KAZN: variants seen among roughly 807,000 people sequenced by gnomAD.
KAZN encodes the protein kazrin.
Under a neutral mutation model 87.4 loss-of-function variants are expected in KAZN, and 40 were observed. That is an observed-to-expected ratio of 0.46 (90% CI 0.36 to 0.60). The LOEUF (loss-of-function observed/expected upper bound fraction) is 0.60, where lower values mean the gene tolerates loss of function less well. Ranked by LOEUF, KAZN falls within the 20% of genes least tolerant of loss-of-function variation. The pLI is 0.00. For missense variants in KAZN, 898 were observed against 1,073.9 expected (o/e 0.84, Z 2.29); for synonymous variants, 466 against 458.3 (o/e 1.02, Z -0.22).
intron 1 of KAZN, among the ~76,000 whole-genome samples, chr1:14,759,041 C>A (rs80099281): frequency 6.6e-6 from 1 of 152,116 alleles, no homozygotes; most frequent in Non-Finnish European, 1.5e-5. Flanking sequence ...ACCTAGGCTA[C>A]CCTGGACAAT....
At chr1:14,222,230 G>A (rs1407469006) in intron 2 of KAZN, 1 of 152,172 alleles carries the variant, frequency 6.6e-6, no homozygotes, top group East Asian at 1.9e-4. Context: ...CATTCTCTGG[G>A]TGATAAGATT....
At chr1:14,671,472 C>A (rs973412148) in intron 1 of KAZN, among the ~76,000 whole-genome samples, 1 of 151,886 alleles carries the variant, frequency 6.6e-6, no homozygotes, top group Non-Finnish European at 1.5e-5. Context: ...TTCTTTCACT[C>A]CCCCATTCAC....
At chr1:14,848,468 G>A (rs1271256039) in intron 1 of KAZN, among the ~76,000 whole-genome samples, 1 of 152,220 alleles carries the variant, frequency 6.6e-6, no homozygotes, top group Non-Finnish European at 1.5e-5. Flanking sequence ...GCTGGCAAGT[G>A]GGGAGGAAGT....
intron 2 of KAZN, among the ~76,000 whole-genome samples, chr1:14,330,530 G>A (rs907523761): frequency 1.3e-5 from 2 of 152,160 alleles, no homozygotes; most frequent in Non-Finnish European, 2.9e-5. Context: ...GAAAAATGAA[G>A]ACCACTTATT....
At chr1:14,138,787 C>T (rs1489861196) in intron 1 of KAZN, among the ~76,000 whole-genome samples, 1 of 152,180 alleles carries the variant, frequency 6.6e-6, no homozygotes, top group Non-Finnish European at 1.5e-5. Context: ...TCTCGACTCC[C>T]ACTAGTGGAA....
intron 1 of KAZN, among the ~76,000 whole-genome samples, chr1:14,784,811 C>T (rs182665825): frequency 2.6e-5 from 4 of 152,232 alleles, no homozygotes; most frequent in African/African-American, 9.6e-5. Flanking sequence ...TGCAAATTAA[C>T]AAAGGGTGAT....
intron 1 of KAZN, among the ~76,000 whole-genome samples, chr1:14,102,338 C>T (rs887601936): frequency 1.1e-4 from 16 of 152,094 alleles, no homozygotes; most frequent in South Asian, 4.1e-4. Context: ...TCCTAGTTCC[C>T]GCTCGCTGAG....
At chr1:14,018,500 G>A (rs115846450) in intron 1 of KAZN, among the ~76,000 whole-genome samples, 3,371 of 152,160 alleles carry the variant, frequency 0.022, 116 homozygotes, top group African/African-American at 0.076. Context: ...GGTTAATTTT[G>A]GGTGTCAACA....
chr1:14,678,081 G>A (rs2148753065), intron 1 of KAZN, among the ~76,000 whole-genome samples: 1 of 152,294 alleles, frequency 6.6e-6, no homozygotes, highest in Admixed American at 6.5e-5. Context: ...TAAATTAAGT[G>A]TCGACTGGAT....
At chr1:14,550,705 C>T (rs1184950906) in intron 2 of KAZN, among the ~76,000 whole-genome samples, 1 of 6,638 alleles carries the variant, frequency 1.5e-4, no homozygotes, top group Non-Finnish European at 1.2e-3. Flanking sequence ...CTCCTCTTTT[C>T]TCTCTCTCTC....
intron 2 of KAZN, among the ~76,000 whole-genome samples, chr1:14,476,716 C>A (rs964077288): frequency 6.6e-6 from 1 of 152,220 alleles, no homozygotes; most frequent in South Asian, 2.1e-4. Context: ...TCATCCCCCT[C>A]GTAGAGGGAA....
rs1305722646 is a variant in KAZN, at chr1:14,735,099, G to A, written c.226+135876G>A. 1.3e-5 allele frequency among the ~76,000 whole-genome samples: 2 copies of A among 152,168 alleles called. No homozygotes were observed. The highest frequency in any genetic ancestry group is 1.9e-4 in the East Asian group (1 of 5,164). ...TTTTGAGACGGAGTCTCGCTCTTTCGCCCAGGCCGGACTGTAGTGGCGCTA... is the reference window on the plus strand; with the variant it reads ...TTTTGAGACGGAGTCTCGCTCTTTCACCCAGGCCGGACTGTAGTGGCGCTA... On this transcript the variant is annotated intron_variant, in intron 1 of 14. Transcript: ENST00000376030. The surrounding 1 kb of genome is among the most constrained non-coding windows in gnomAD (Gnocchi z 4.3).
At chr1:14,804,084 G>A (rs1046537258) in intron 1 of KAZN, among the ~76,000 whole-genome samples, 1 of 152,174 alleles carries the variant, frequency 6.6e-6, no homozygotes, top group African/African-American at 2.4e-5. Flanking sequence ...TTTGCCCCCA[G>A]GTCTAGCTCC....
At chr1:14,419,262 T>TAC (rs1665137675) in intron 2 of KAZN, among the ~76,000 whole-genome samples, 3 of 152,258 alleles carry the variant, frequency 2.0e-5, no homozygotes, top group Admixed American at 2.0e-4. Flanking sequence ...CCCAGAGAAA[T>TAC]TCAGTGACTT....
chr1:14,099,258 G>C (rs1644196674), intron 1 of KAZN, among the ~76,000 whole-genome samples: 1 of 152,098 alleles, frequency 6.6e-6, no homozygotes, highest in African/African-American at 2.4e-5. Context: ...CAGGGTGGGG[G>C]AAGAATCAAA....
chr1:13,900,118 T>C (rs1639193667), intron 1 of KAZN, among the ~76,000 whole-genome samples: 1 of 152,026 alleles, frequency 6.6e-6, no homozygotes, highest in African/African-American at 2.4e-5. Context: ...GTTATGTTCA[T>C]TCTCTTTCTC....
At chr1:14,254,340 G>C (rs1199772272) in intron 2 of KAZN, among the ~76,000 whole-genome samples, 1 of 152,180 alleles carries the variant, frequency 6.6e-6, no homozygotes, top group Admixed American at 6.5e-5. Flanking sequence ...GAAACTCAGA[G>C]AGAAGCTCCC....
rs1643319147 is a variant in KAZN, at chr1:14,073,391, C to T, written c.92-107044C>T. The stretch of plus-strand genomic sequence containing the variant: ...ATTTTATTTCATTTTATTATTTTAC[C>T]TATCTTTAAAACAATTTTTTTTATT... On this transcript the variant is annotated intron_variant, in intron 1 of 16. Coordinates refer to the KAZN transcript ENST00000636203. 2.0e-5 allele frequency among the ~76,000 whole-genome samples: 3 copies of T among 152,108 alleles called. No homozygotes were observed. The South Asian group carries it at 6.2e-4, about 32-fold the overall frequency.
chr1:14,735,991 G>T lies in KAZN; in HGVS notation c.226+136768G>T, dbSNP rs891436863. ...TTACCTCCAACAAATAAGTGTTATG[G>T]GACATCTGGTGGAAATGCACCCTAG... On this transcript the variant is annotated intron_variant, in intron 1 of 14. Coordinates refer to ENST00000376030, the MANE Select transcript of KAZN (RefSeq NM_201628.3). This position sits in a 1 kb window ranked among gnomAD's most constrained non-coding sequence, Gnocchi z 4.3. 9.2e-5 allele frequency among the ~76,000 whole-genome samples: 14 copies of T among 152,122 alleles called. No homozygotes were observed. Among genetic ancestry groups the T allele is most frequent in the African/African-American group, 3.4e-4 (14 of 41,418 alleles).
Sources: gnomAD v4.1 joint callset for allele counts (sites outside exome capture counted in the v4.1 genomes callset) on GRCh38, gnomAD v4.1.1 for gene constraint, Gnocchi (gnomAD v3.1) non-coding constraint, MANE v1.5 for transcripts, NCBI Gene and HGNC (gene_info 2026-07-23, HGNC 2026-07-21) for gene names.